The following FAM171B variants were observed in gnomAD, a reference collection of about 807,000 sequenced individuals.
The protein encoded by FAM171B is family with sequence similarity 171 member B.
A neutral mutation model predicts 75.6 loss-of-function variants in FAM171B; 19 were observed. The ratio of observed to expected loss-of-function variants is 0.25; its 90% CI spans 0.18 to 0.37. FAM171B has a LOEUF of 0.37. FAM171B is among the 10% of genes least tolerant of loss of function. The probability of loss-of-function intolerance (pLI) is 1.00; values close to 1 mark genes in which losing one functional copy is unlikely to be tolerated. For synonymous variants in FAM171B, 367 were observed against 361.7 expected (o/e 1.01, Z -0.17); for missense variants, 848 against 982.4 (o/e 0.86, Z 1.83).
chr2:186,694,103 GC>G lies in FAM171B; in HGVS notation c.-68del. 7.2e-7 allele frequency: 1 copy of G among 1,395,140 alleles called. No homozygotes were observed. Among genetic ancestry groups the G allele is most frequent in the Non-Finnish European group, 9.2e-7 (1 of 1,083,386 alleles). The allele number at this position is 1,395,140 out of a possible 1,614,324, so 86.4% of individuals were successfully genotyped here. On this transcript the variant is annotated 5_prime_UTR_variant, in exon 1 of 8. Transcript: ENST00000304698. ...AGCGAGCGAGCGGGCGCTGCCAGGA[GC>G]CCGCAGCCCTGGCGCCCGCCGCCGC...
At position 186,694,371 on chromosome 2, in the gene FAM171B, G is replaced by C; in HGVS notation, c.198G>C (p.Arg66Ser). Residue 66 changes from arginine (R) to serine (S), a missense_variant, in exon 1 of 8, where the codon AGG becomes AGC. Arg to Ser is a moderately radical substitution (Grantham distance 110, BLOSUM62 -1). This residue lies in a region of FAM171B where 665 missense variants were observed against 729.0 expected (regional missense o/e 0.91). Coordinates refer to ENST00000304698, the MANE Select transcript of FAM171B (RefSeq NM_177454.4). ...QKQLEEAEEE[R>S]TEVPGATSTL... is the part of the protein sequence containing the mutation. ...AGCTGGAGGAGGCTGAGGAGGAGAG[G>C]ACAGAGGTGCCTGGGGCAACCTCCA... is the stretch of plus-strand genomic sequence containing the variant. 6.2e-7 allele frequency: 1 copy of C among 1,612,964 alleles called. No homozygotes were observed. The highest frequency in any genetic ancestry group is 8.5e-7 in the Non-Finnish European group (1 of 1,179,626).
chr2:186,752,463 T>C (rs1690470775), intron 5 of FAM171B, among the ~76,000 whole-genome samples: 1 of 152,160 alleles, frequency 6.6e-6, no homozygotes, highest in Admixed American at 6.5e-5. Context: ...AATCATTAGA[T>C]TAAGAACTCT....
At chr2:186,759,316 G>A (rs1047399711) in intron 6 of FAM171B, among the ~76,000 whole-genome samples, 3 of 152,094 alleles carry the variant, frequency 2.0e-5, no homozygotes, top group Non-Finnish European at 2.9e-5. Flanking sequence ...GGGTCTTCCC[G>A]ACTGAGCTGG....
chr2:186,700,505 C>T (rs555817944), intron 1 of FAM171B, among the ~76,000 whole-genome samples: 62 of 152,204 alleles, frequency 4.1e-4, no homozygotes, highest in Admixed American at 6.5e-4. Flanking sequence ...GAATCCATGG[C>T]GTGTGTCCAG....
At chr2:186,708,487 A>T (rs1022048507) in intron 1 of FAM171B, among the ~76,000 whole-genome samples, 1 of 152,196 alleles carries the variant, frequency 6.6e-6, no homozygotes, top group African/African-American at 2.4e-5. Flanking sequence ...AGATAAAAAG[A>T]CCACACATAA....
At chr2:186,701,090 T>TA (rs765194917) in intron 1 of FAM171B, among the ~76,000 whole-genome samples, 1 of 151,886 alleles carries the variant, frequency 6.6e-6, no homozygotes, top group African/African-American at 2.4e-5. Context: ...CTAAGTTTTG[T>TA]ATTTTTTTTT....
At chr2:186,702,537 AT>A (rs933672140) in intron 1 of FAM171B, among the ~76,000 whole-genome samples, 4 of 151,768 alleles carry the variant, frequency 2.6e-5, no homozygotes, top group Admixed American at 2.0e-4. Context: ...GTGCCATTTA[AT>A]TTTTTTTCTT....
chr2:186,712,946 T>C (rs1256862300), intron 1 of FAM171B, among the ~76,000 whole-genome samples: 22 of 152,230 alleles, frequency 1.4e-4, no homozygotes, highest in Admixed American at 1.4e-3. Context: ...GTACATTTAA[T>C]TATTCAGTCT....
At chr2:186,737,518 A>C (rs1041734953) in intron 1 of FAM171B, among the ~76,000 whole-genome samples, 66 of 152,060 alleles carry the variant, frequency 4.3e-4, no homozygotes, top group Non-Finnish European at 8.8e-4. Context: ...AGCTAATTTC[A>C]AGTTTTTTGT....
chr2:186,754,729 C>G (rs1181318417), intron 6 of FAM171B, among the ~76,000 whole-genome samples: 1 of 152,186 alleles, frequency 6.6e-6, no homozygotes, highest in East Asian at 1.9e-4. Context: ...TGTATTAAAT[C>G]AAGCTTGTCC....
At position 186,742,044 on chromosome 2, in the gene FAM171B, G is replaced by T. The variant is rs559719376; in HGVS notation, c.473-1439G>T. Among the ~76,000 whole-genome samples the T allele has an allele frequency of 3.9e-5, 6 of 152,152 alleles. No individual in the cohort carries two copies. In the South Asian group the frequency reaches 1.0e-3, roughly 26 times the overall value. ...ATACTTATGTTATTAAATGAAAAAG[G>T]CAGGGTAACAGTATTCTGTAACAAT... On this transcript the variant is annotated intron_variant, in intron 2 of 7. Transcript: ENST00000304698.
rs764069469 is a variant in FAM171B at position 186,762,606 on chromosome 2, C to T, written c.2264C>T (p.Pro755Leu). Residue 755 changes from proline (P) to leucine (L), a missense_variant, in exon 8 of 8, where the codon CCT (proline) becomes CTT (leucine). By Grantham distance (98) the Pro-to-Leu change is moderately conservative. Transcript: ENST00000304698. The surrounding 1 kb of genome is among the most constrained non-coding windows in gnomAD (Gnocchi z 4.0). ...GAGAGTGGAACCACCGTCTGTTCCC[C>T]TGAGGACCCAGCTTTAAGGCACATC... The part of the protein sequence containing the change: ...SSESGTTVCS[P>L]EDPALRHILD... 6.2e-7 allele frequency: 1 copy of T among 1,613,344 alleles called. No homozygotes were observed. Among genetic ancestry groups the T allele is most frequent in the East Asian group, 2.2e-5 (1 of 44,844 alleles).
intron 1 of FAM171B, among the ~76,000 whole-genome samples, chr2:186,705,783 A>C (rs976107096): frequency 1.3e-5 from 2 of 152,174 alleles, no homozygotes; most frequent in African/African-American, 4.8e-5. Flanking sequence ...AACCCTTAAA[A>C]GATGTGATTG....
chr2:186,727,411 C>T (rs1238510276), intron 1 of FAM171B, among the ~76,000 whole-genome samples: 1 of 152,110 alleles, frequency 6.6e-6, no homozygotes, highest in African/African-American at 2.4e-5. Flanking sequence ...TTGTAGCAGG[C>T]AAATGGGTTG....
chr2:186,734,334 C>T (rs1299866198), intron 1 of FAM171B, among the ~76,000 whole-genome samples: 3 of 152,002 alleles, frequency 2.0e-5, no homozygotes, highest in Non-Finnish European at 4.4e-5. Flanking sequence ...AGCTCTTATC[C>T]ACAGGCAGGT....
chr2:186,698,969 T>C (rs1689618197), intron 1 of FAM171B, among the ~76,000 whole-genome samples: 1 of 152,204 alleles, frequency 6.6e-6, no homozygotes, highest in African/African-American at 2.4e-5. Flanking sequence ...TGATCCTTGT[T>C]AATGGTTGAA....
intron 7 of FAM171B, 25 bp from the exon 8 acceptor site, chr2:186,761,453 AT>A: frequency 3.9e-6 from 6 of 1,528,878 alleles, no homozygotes; most frequent in Non-Finnish European, 4.4e-6. Context: ...ACTTTTAAAT[AT>A]TTTTTGCCTT....
intron 1 of FAM171B, among the ~76,000 whole-genome samples, chr2:186,700,784 C>T (rs757407795): frequency 3.9e-5 from 6 of 152,190 alleles, no homozygotes; most frequent in South Asian, 2.1e-4. Context: ...TACACTTTTG[C>T]GGTGAAAAAT....
At chr2:186,723,575 A>G (rs1689986350) in intron 1 of FAM171B, among the ~76,000 whole-genome samples, 1 of 152,188 alleles carries the variant, frequency 6.6e-6, no homozygotes, top group South Asian at 2.1e-4. Flanking sequence ...GATGAATTTA[A>G]TCTTCATATG....
Sources: gnomAD v4.1 joint callset for allele counts (sites outside exome capture counted in the v4.1 genomes callset) on GRCh38, gnomAD v4.1.1 for gene constraint, gnomAD v4.1.1 regional missense constraint, Gnocchi (gnomAD v3.1) non-coding constraint, MANE v1.5 for transcripts, NCBI Gene and HGNC (gene_info 2026-07-23, HGNC 2026-07-21) for gene names.